The following ZNF695 variants were observed in gnomAD, a reference collection of about 807,000 sequenced individuals.
ZNF695 encodes zinc finger protein 695.
A neutral mutation model predicts 11.2 loss-of-function variants in ZNF695; 11 were observed. That is an observed-to-expected ratio of 0.98 (90% CI 0.62 to 1.62). The LOEUF is 1.62. ZNF695 is among the 40% of genes most tolerant of loss of function. ZNF695 has a pLI of 0.00. For synonymous variants in ZNF695, 190 were observed against 201.4 expected, an observed-to-expected ratio of 0.94 and a Z score of 0.48; for missense variants, 559 against 590.5, an observed-to-expected ratio of 0.95 and a Z score of 0.55.
chr1:246,989,407 C>T (rs192553517), intron 3 of ZNF695, among the ~76,000 whole-genome samples: 5 of 152,332 alleles, frequency 3.3e-5, no homozygotes, highest in Admixed American at 3.3e-4. Flanking sequence ...TTTCTTTTCA[C>T]TTGCTTTTTT....
At chr1:246,961,241 T>A (rs1190213238) in intron 5 of ZNF695, among the ~76,000 whole-genome samples, 1 of 152,238 alleles carries the variant, frequency 6.6e-6, no homozygotes, top group Admixed American at 6.5e-5. Context: ...TAACACTTCA[T>A]TAGAAGTTAT....
intron 5 of ZNF695, among the ~76,000 whole-genome samples, chr1:246,953,384 G>A (rs1461389378): frequency 2.0e-5 from 3 of 152,046 alleles, no homozygotes; most frequent in African/African-American, 4.8e-5. Context: ...CGAGGCGGGC[G>A]GATCACGAGG....
intron 4 of ZNF695, among the ~76,000 whole-genome samples, chr1:246,975,179 T>C (rs1309749872): frequency 1.3e-5 from 2 of 152,226 alleles, no homozygotes; most frequent in Non-Finnish European, 2.9e-5. Context: ...TCATTCACCA[T>C]ATAAACCAAT....
intron 5 of ZNF695, among the ~76,000 whole-genome samples, chr1:246,964,971 C>T (rs886914950): frequency 1.3e-5 from 2 of 152,174 alleles, no homozygotes; most frequent in Non-Finnish European, 2.9e-5. Context: ...GTGATTGGGT[C>T]GTGGGGCTCT....
At chr1:246,954,416 GAGA>G (rs901397643) in intron 5 of ZNF695, among the ~76,000 whole-genome samples, 26 of 152,202 alleles carry the variant, frequency 1.7e-4, no homozygotes, top group African/African-American at 6.3e-4. Context: ...CGAATTGCTG[GAGA>G]AGATCCACCA....
Position 246,986,743 on chromosome 1 carries a change from TC to T in ZNF695, c.*223del, listed in dbSNP as rs1668860920. 8.0e-7 allele frequency: 1 copy of T among 1,254,624 alleles called. No homozygotes were observed. 77.7% of individuals were successfully genotyped at this position (1,254,624 alleles called of 1,614,324 possible). A position where few individuals can be genotyped will look rare whatever the true frequency, so the allele number is the denominator to read the frequency against. ...AGGGTTTCCCTCCAGTATAAATTCT[TC>T]TGTGTACAGTAAGAGCTGTGATATA... is the stretch of plus-strand genomic sequence containing the variant. On this transcript the variant is annotated 3_prime_UTR_variant, in exon 4 of 4. Transcript: ENST00000339986.
chr1:246,947,758 T>C (rs546896882), intron 5 of ZNF695, among the ~76,000 whole-genome samples: 137 of 152,324 alleles, frequency 9.0e-4, no homozygotes, highest in Middle Eastern at 3.4e-3. Context: ...GACAATCTTA[T>C]GTCTTACTTT....
chr1:246,951,862 T>C (rs1667876706), intron 5 of ZNF695, among the ~76,000 whole-genome samples: 1 of 152,006 alleles, frequency 6.6e-6, no homozygotes, highest in South Asian at 2.1e-4. Flanking sequence ...CTACCTAGAG[T>C]GCACCTTCTC....
chr1:246,966,691 T>C, intron 5 of ZNF695: 1 of 439,946 alleles, frequency 2.3e-6, no homozygotes, highest in East Asian at 7.0e-5. Flanking sequence ...GAGGCTAAGG[T>C]GAGAGATCGC....
intron 5 of ZNF695, among the ~76,000 whole-genome samples, chr1:246,960,456 A>G (rs1668135350): frequency 6.6e-6 from 1 of 152,176 alleles, no homozygotes; most frequent in African/African-American, 2.4e-5. Flanking sequence ...AACAGTTGGT[A>G]TTGTGTAGCA....
intron 5 of ZNF695, among the ~76,000 whole-genome samples, chr1:246,954,277 T>C (rs1667937037): frequency 6.6e-6 from 1 of 152,134 alleles, no homozygotes; most frequent in South Asian, 2.1e-4. Context: ...AACCCAAATA[T>C]TGGCACACAC....
At position 246,987,246 on chromosome 1, in the gene ZNF695, A is replaced by G; in HGVS notation, c.1269T>C (p.Leu423=). ...CGKAFTWFSY[L]TQHKRIHTGE... Reference sequence around the variant, plus strand: ...CAGTATGAATTCTCTTATGTTGAGTAAGGTATGAAAACCAGGTAAAAGCTT... The same window carrying G: ...CAGTATGAATTCTCTTATGTTGAGTGAGGTATGAAAACCAGGTAAAAGCTT... The change falls in exon 4 of 4, where the codon CTT becomes CTC. Residue 423 remains leucine (L), a synonymous_variant. Transcript: ENST00000339986. The G allele has an allele frequency of 6.2e-7, 1 of 1,613,988 alleles. No individual in the cohort carries two copies. Among genetic ancestry groups the G allele is most frequent in the East Asian group, 2.2e-5 (1 of 44,854 alleles).
intron 5 of ZNF695, among the ~76,000 whole-genome samples, chr1:246,946,397 T>C (rs1021425824): frequency 1.3e-5 from 2 of 152,264 alleles, no homozygotes; most frequent in Admixed American, 1.3e-4. Flanking sequence ...TCAATTCTTA[T>C]GCGGTCTGAT....
chr1:247,002,004 C>T (rs984874102), intron 1 of ZNF695, among the ~76,000 whole-genome samples: 5 of 152,052 alleles, frequency 3.3e-5, no homozygotes, highest in Non-Finnish European at 7.4e-5. Context: ...TACACATCTA[C>T]AGAACACTCC....
At chr1:246,998,237 T>C (rs999826098) in intron 3 of ZNF695, among the ~76,000 whole-genome samples, 1 of 152,148 alleles carries the variant, frequency 6.6e-6, no homozygotes, top group Non-Finnish European at 1.5e-5. Context: ...TGAAGTTTCA[T>C]ACTAAACAAG....
chr1:246,945,791 G>C, exon 6 of ZNF695: 1 of 1,550,324 alleles, frequency 6.5e-7, no homozygotes, highest in Non-Finnish European at 8.7e-7. Flanking sequence ...AACCTCCGCA[G>C]GGTCTTCAAA....
chr1:246,951,878 G>T (rs902310444), intron 5 of ZNF695, among the ~76,000 whole-genome samples: 2 of 152,108 alleles, frequency 1.3e-5, no homozygotes, highest in Non-Finnish European at 2.9e-5. Flanking sequence ...TTCTCCCCCC[G>T]CTCTTTGTCC....
intron 3 of ZNF695, among the ~76,000 whole-genome samples, chr1:246,997,294 G>A (rs2818894): frequency 0.044 from 6,733 of 152,216 alleles, 257 homozygotes; most frequent in African/African-American, 0.1. Context: ...CTTGAGGTCA[G>A]GAGTTCAAGA....
rs569808231 is a variant in ZNF695 at position 246,995,767 on chromosome 1, C to T, written c.259+3581G>A. ...GACGCAGTTTGCAGTGAGCCGAGAT[C>T]GCACCATTGCATTCCAACCTGGGTG... On this transcript the variant is annotated intron_variant, in intron 3 of 3. Transcript: ENST00000339986. 2.3e-4 allele frequency among the ~76,000 whole-genome samples: 33 copies of T among 141,040 alleles called. No individual in the cohort carries two copies. In the East Asian group the frequency reaches 6.6e-3, roughly 28 times the overall value. The allele number at this position is 141,040 out of a possible 152,430, so 92.5% of individuals were successfully genotyped here. A position where few individuals can be genotyped will look rare whatever the true frequency, so the allele number is the denominator to read the frequency against.
Sources: gnomAD v4.1 joint callset for allele counts (sites outside exome capture counted in the v4.1 genomes callset) on GRCh38, gnomAD v4.1.1 for gene constraint, MANE v1.5 for transcripts, NCBI Gene and HGNC (gene_info 2026-07-23, HGNC 2026-07-21) for gene names.